LCOR: variants seen among roughly 807,000 people sequenced by gnomAD.
The protein encoded by LCOR is ligand-dependent corepressor.
LCOR carries 14 observed loss-of-function variants against 64.4 expected under a neutral mutation model. That is an observed-to-expected ratio of 0.22 (90% confidence interval 0.14 to 0.34). The LOEUF (loss-of-function observed/expected upper bound fraction) is 0.34, where lower values mean the gene tolerates loss of function less well. LCOR is among the 10% of genes least tolerant of loss of function. The pLI, the probability that LCOR is intolerant of heterozygous loss-of-function variation, is 1.00. For missense variants in LCOR, 1,686 were observed against 1,765.3 expected (o/e 0.96, Z 0.80); for synonymous variants, 643 against 642.5 (o/e 1.00, Z -0.01).
rs936243288 is a variant in LCOR, at chr10:96,995,327, C to A, written c.*10193C>A. On this transcript the variant is annotated 3_prime_UTR_variant, in exon 8 of 8. Transcript: ENST00000421806. The surrounding 1 kb of genome is among the most constrained non-coding windows in gnomAD (Gnocchi z 4.2). ...AGAGGGCCTAGCGCCCTCCTGGTACCAAGCGTGTGCTCCTGGCCTGTGTGA... is the reference window on the plus strand; with the variant it reads ...AGAGGGCCTAGCGCCCTCCTGGTACAAAGCGTGTGCTCCTGGCCTGTGTGA... The A allele has an allele frequency of 6.6e-6, 1 of 152,204 alleles. No homozygotes were observed. Among genetic ancestry groups the A allele is most frequent in the Non-Finnish European group, 1.5e-5 (1 of 68,044 alleles). The allele number at this position is 152,204 out of a possible 1,614,324, so 9.4% of individuals were successfully genotyped here.
At chr10:96,858,150 G>C (rs1845835005) in intron 2 of LCOR, among the ~76,000 whole-genome samples, 2 of 152,216 alleles carry the variant, frequency 1.3e-5, no homozygotes, top group South Asian at 4.1e-4. Flanking sequence ...GAGAACCACT[G>C]TATTAGAAGT....
At chr10:96,928,943 C>A (rs1347080973) in intron 4 of LCOR, among the ~76,000 whole-genome samples, 1 of 152,100 alleles carries the variant, frequency 6.6e-6, no homozygotes, top group African/African-American at 2.4e-5. Context: ...TTAAAGGAAT[C>A]TTTATTTTTT....
intron 2 of LCOR, among the ~76,000 whole-genome samples, chr10:96,836,219 G>T (rs1845438801): frequency 1.3e-5 from 2 of 152,118 alleles, no homozygotes; most frequent in Non-Finnish European, 2.9e-5. Flanking sequence ...TTAGTCTTAT[G>T]GTGCTACACA....
chr10:96,902,874 A>G (rs1418937576), intron 2 of LCOR, among the ~76,000 whole-genome samples: 1 of 152,188 alleles, frequency 6.6e-6, no homozygotes, highest in Non-Finnish European at 1.5e-5. Context: ...GTGCATCCTT[A>G]GGCAGTTTCA....
At chr10:96,840,273 A>G (rs1032772721) in intron 2 of LCOR, among the ~76,000 whole-genome samples, 2 of 152,112 alleles carry the variant, frequency 1.3e-5, no homozygotes, top group African/African-American at 2.4e-5. Context: ...TCATGTTTTA[A>G]TCTACTTTTT....
At chr10:96,911,093 CTTTTTTTTTTT>C (rs71007308) in intron 4 of LCOR, among the ~76,000 whole-genome samples, 1 of 114,172 alleles carries the variant, frequency 8.8e-6, no homozygotes, top group African/African-American at 3.6e-5. Context: ...TACATGTTCC[CTTTTTTTTTTT>C]TTTTTTTTTT....
chr10:96,858,427 AATGTTC>A (rs1564605392), intron 2 of LCOR, among the ~76,000 whole-genome samples: 1 of 152,184 alleles, frequency 6.6e-6, no homozygotes, highest in Non-Finnish European at 1.5e-5. Flanking sequence ...GTGAGTATAA[AATGTTC>A]ATGATCCTTC....
rs949638815 is a variant in LCOR, at chr10:96,988,771, G to A, written c.*3637G>A. On this transcript the variant is annotated 3_prime_UTR_variant, in exon 8 of 8. Transcript: ENST00000421806. The stretch of plus-strand genomic sequence containing the variant: ...GCAAGTTCTGTGCAGACTGCCTTTC[G>A]GATTCCAGATGATCTGTCAAGGGTC... 5 of 152,168 alleles carry A rather than the reference G, an allele frequency of 3.3e-5. No individual in the cohort carries two copies. Among genetic ancestry groups the A allele is most frequent in the South Asian group, 2.1e-4 (1 of 4,836 alleles). The allele number at this position is 152,168 out of a possible 1,614,324, so 9.4% of individuals were successfully genotyped here. A position where few individuals can be genotyped will look rare whatever the true frequency, so the allele number is the denominator to read the frequency against.
chr10:96,952,553 C>T (rs918994598), intron 7 of LCOR, among the ~76,000 whole-genome samples: 1 of 135,746 alleles, frequency 7.4e-6, no homozygotes, highest in Non-Finnish European at 1.5e-5. Context: ...TACTTGGTAT[C>T]TCTAGTGGGG....
chr10:96,978,921 C>T (rs1018073426), intron 7 of LCOR, among the ~76,000 whole-genome samples: 7 of 152,208 alleles, frequency 4.6e-5, no homozygotes, highest in Non-Finnish European at 8.8e-5. Context: ...GAGATACTGA[C>T]ATTCAGTCCC....
In LCOR at chr10:96,983,532, T is replaced by C. The variant is rs1344807509; in HGVS notation, c.3072T>C (p.Ala1024=). The C allele has an allele frequency of 6.2e-7, 1 of 1,614,110 alleles. No individual in the cohort carries two copies. The highest frequency in any genetic ancestry group is 2.2e-5 in the East Asian group (1 of 44,874). ...CGAGTAGTGGAAGTGGTGATGCTGC[T>C]AGGGCACCAAAATCGGTGCCAAGGC... The part of the protein sequence containing the change: ...GLSSSGSGDA[A]RAPKSVPRPK... The change falls in exon 8 of 8, where the codon GCT becomes GCC. Residue 1024 remains alanine (A), a synonymous_variant. Transcript: ENST00000421806. This position sits in a 1 kb window ranked among gnomAD's most constrained non-coding sequence, Gnocchi z 4.5.
At chr10:96,938,398 A>G (rs7906581) in intron 4 of LCOR, among the ~76,000 whole-genome samples, 8,294 of 152,218 alleles carry the variant, frequency 0.054, 764 homozygotes, top group African/African-American at 0.19. Context: ...CAAACTAGCA[A>G]TAGAAGAGAA....
intron 2 of LCOR, among the ~76,000 whole-genome samples, chr10:96,853,640 A>G (rs1845755830): frequency 6.6e-6 from 1 of 152,168 alleles, no homozygotes; most frequent in Admixed American, 6.5e-5. Flanking sequence ...AGGTTGACCT[A>G]AGTTGGGATA....
intron 5 of LCOR, among the ~76,000 whole-genome samples, chr10:96,948,563 T>C (rs1847624971): frequency 1.3e-5 from 2 of 152,214 alleles, no homozygotes; most frequent in Admixed American, 6.5e-5. Context: ...GCCTTCTGTC[T>C]TTAATATAAA....
At chr10:96,945,924 CTTTTT>C (rs34834224) in intron 5 of LCOR, among the ~76,000 whole-genome samples, 3 of 138,840 alleles carry the variant, frequency 2.2e-5, no homozygotes, top group Admixed American at 7.2e-5. Context: ...TAAAGTTTTT[CTTTTT>C]TTTTTTTTAA....
chr10:96,952,031 A>T, intron 6 of LCOR, 72 bp from the exon 7 acceptor site: 1 of 1,078,814 alleles, frequency 9.3e-7, no homozygotes, highest in Non-Finnish European at 1.4e-6. Flanking sequence ...CTGCTTTTTC[A>T]TTTTTAGCCT....
chr10:96,907,769 CTT>C lies in LCOR; in HGVS notation c.-184+25_-184+26del, dbSNP rs1041721623. 1.5e-5 allele frequency: 12 copies of C among 827,266 alleles called. No homozygotes were observed. The Admixed American group carries it at 6.2e-4, about 43-fold the overall frequency. The allele number at this position is 827,266 out of a possible 1,614,324, so 51.2% of individuals were successfully genotyped here. A position where few individuals can be genotyped will look rare whatever the true frequency, so the allele number is the denominator to read the frequency against. Reference sequence around the variant, plus strand: ...AAAGGTAACTAAGAAGCCTGTGAAACTTTTATTTAGTGTAGTATTTTAAAGTT... The same window carrying C: ...AAAGGTAACTAAGAAGCCTGTGAAACTTATTTAGTGTAGTATTTTAAAGTT... On this transcript the variant is annotated intron_variant, in intron 4 of 7. Coordinates refer to ENST00000421806, the MANE Select transcript of LCOR (RefSeq NM_001346516.2).
At chr10:96,927,890 C>G (rs1247658164) in intron 4 of LCOR, among the ~76,000 whole-genome samples, 1 of 152,020 alleles carries the variant, frequency 6.6e-6, no homozygotes, top group African/African-American at 2.4e-5. Flanking sequence ...TTTTGGTTTC[C>G]CAGTGCATAT....
intron 2 of LCOR, among the ~76,000 whole-genome samples, chr10:96,856,400 TTTCCCTTCC>T (rs1016129721): frequency 4.0e-5 from 6 of 151,730 alleles, no homozygotes; most frequent in South Asian, 2.1e-4. Flanking sequence ...CCTTCTTTTC[TTTCCCTTCC>T]TTCCCTTCCT....
Sources: allele counts gnomAD v4.1 joint callset (sites outside exome capture counted in the v4.1 genomes callset), GRCh38; gene constraint gnomAD v4.1.1; non-coding constraint Gnocchi (gnomAD v3.1); transcripts MANE v1.5; gene names NCBI Gene and HGNC (gene_info 2026-07-23, HGNC 2026-07-21).